MMP16: variants seen among roughly 807,000 people sequenced by gnomAD.
MMP16 encodes the protein matrix metallopeptidase 16.
In MMP16, 12 loss-of-function variants were observed where a neutral mutation model predicts 67.8. The observed-to-expected ratio is 0.18, with a 90% CI of 0.11 to 0.29. The LOEUF is 0.29. Ranked by LOEUF, MMP16 falls within the 10% of genes least tolerant of loss-of-function variation. The probability of loss-of-function intolerance (pLI) is 1.00; values close to 1 mark genes in which losing one functional copy is unlikely to be tolerated. For synonymous variants in MMP16, 249 were observed against 255.9 expected (o/e 0.97, Z 0.26); for missense variants, 475 against 765.7 (o/e 0.62, Z 4.48).
At chr8:88,243,088 G>A (rs1207096239) in intron 1 of MMP16, among the ~76,000 whole-genome samples, 1 of 152,160 alleles carries the variant, frequency 6.6e-6, no homozygotes, top group African/African-American at 2.4e-5. Context: ...ATGTTCTCAA[G>A]AATGGGAGTT....
intron 8 of MMP16, among the ~76,000 whole-genome samples, chr8:88,050,786 G>A (rs1425693646): frequency 6.6e-6 from 1 of 152,088 alleles, no homozygotes; most frequent in Admixed American, 6.6e-5. Flanking sequence ...TTCATTGTTT[G>A]GGTATAGCTT....
At chr8:88,283,576 T>C (rs894052830) in intron 1 of MMP16, among the ~76,000 whole-genome samples, 4 of 152,160 alleles carry the variant, frequency 2.6e-5, no homozygotes, top group African/African-American at 9.7e-5. Flanking sequence ...CCCCACTCTC[T>C]CTATTTATGG....
chr8:88,061,507 T>C (rs559111272), intron 7 of MMP16, among the ~76,000 whole-genome samples: 1 of 152,160 alleles, frequency 6.6e-6, no homozygotes, highest in Admixed American at 6.6e-5. Context: ...TTTTGATCAC[T>C]TCCTTTTGCA....
intron 1 of MMP16, among the ~76,000 whole-genome samples, chr8:88,246,006 A>T (rs972987643): frequency 6.6e-6 from 1 of 152,172 alleles, no homozygotes; most frequent in African/African-American, 2.4e-5. Flanking sequence ...CAAGCAAGAA[A>T]TTCTCTGTTA....
intron 2 of MMP16, among the ~76,000 whole-genome samples, chr8:88,192,397 C>T (rs1362199602): frequency 6.6e-6 from 1 of 152,178 alleles, no homozygotes; most frequent in Non-Finnish European, 1.5e-5. Context: ...CCACTATGAT[C>T]TTCAGTGTGA....
intron 4 of MMP16, among the ~76,000 whole-genome samples, chr8:88,166,207 AG>A (rs1451697674): frequency 6.6e-6 from 1 of 152,070 alleles, no homozygotes; most frequent in Non-Finnish European, 1.5e-5. Flanking sequence ...TGTCATGACT[AG>A]GGTTAACTTA....
At chr8:88,264,007 T>TGC (rs1284625799) in intron 1 of MMP16, among the ~76,000 whole-genome samples, 1 of 146,606 alleles carries the variant, frequency 6.8e-6, no homozygotes, top group African/African-American at 2.5e-5. Context: ...TGTGTGTGTG[T>TGC]GTGCAACTTC....
intron 1 of MMP16, among the ~76,000 whole-genome samples, chr8:88,284,463 G>C (rs544947478): frequency 6.6e-6 from 1 of 152,028 alleles, no homozygotes; most frequent in African/African-American, 2.4e-5. Context: ...AGAGAAGTTA[G>C]ATAACTTGTC....
At chr8:88,251,780 C>T (rs1810227014) in intron 1 of MMP16, among the ~76,000 whole-genome samples, 1 of 126,200 alleles carries the variant, frequency 7.9e-6, no homozygotes, top group Non-Finnish European at 1.6e-5. Context: ...CTACAATGAA[C>T]TCAAACAAAT....
chr8:88,154,612 C>T (rs889924620), intron 4 of MMP16, among the ~76,000 whole-genome samples: 1 of 150,684 alleles, frequency 6.6e-6, no homozygotes, highest in East Asian at 2.0e-4. Context: ...TTAACTATCG[C>T]AAGAACAAAA....
intron 4 of MMP16, among the ~76,000 whole-genome samples, chr8:88,125,882 G>C (rs1807922567): frequency 6.6e-6 from 1 of 151,792 alleles, no homozygotes; most frequent in Admixed American, 6.6e-5. Flanking sequence ...TGATTCTGGA[G>C]GCCTACTTGC....
chr8:88,322,191 C>A (rs1811470128), intron 1 of MMP16, among the ~76,000 whole-genome samples: 1 of 152,024 alleles, frequency 6.6e-6, no homozygotes. Context: ...ATTATAAAGG[C>A]CTATTTATTT....
At chr8:88,298,298 T>A (rs538241315) in intron 1 of MMP16, among the ~76,000 whole-genome samples, 1 of 152,212 alleles carries the variant, frequency 6.6e-6, no homozygotes, top group Non-Finnish European at 1.5e-5. Context: ...GGCACATCCA[T>A]GTGACTATCA....
chr8:88,239,671 T>C (rs1810004341), intron 1 of MMP16, among the ~76,000 whole-genome samples: 1 of 152,194 alleles, frequency 6.6e-6, no homozygotes, highest in South Asian at 2.1e-4. Context: ...CTTATGTTTT[T>C]TAAATATAGT....
chr8:88,058,269 G>A lies in MMP16; in HGVS notation c.1223-1991C>T, dbSNP rs1808356112. ...TTAAGTTTGTGTTGGGTTGTGATTG[G>A]TTTTATATTTTAAAATGATTTTTGG... On this transcript the variant is annotated intron_variant, in intron 7 of 9. Coordinates refer to ENST00000286614, the MANE Select transcript of MMP16 (RefSeq NM_005941.5). The surrounding 1 kb of genome is among the most constrained non-coding windows in gnomAD (Gnocchi z 4.2). 6.6e-6 allele frequency among the ~76,000 whole-genome samples: 1 copy of A among 152,106 alleles called. No homozygotes were observed. The highest frequency in any genetic ancestry group is 1.5e-5 in the Non-Finnish European group (1 of 67,994).
chr8:88,070,439 G>A (rs751460189), intron 7 of MMP16, among the ~76,000 whole-genome samples: 6 of 152,096 alleles, frequency 3.9e-5, no homozygotes, highest in African/African-American at 9.7e-5. Context: ...ATGGCCCTCC[G>A]TGAGTGTCAG....
chr8:88,304,422 A>G (rs148204683), intron 1 of MMP16, among the ~76,000 whole-genome samples: 41 of 152,326 alleles, frequency 2.7e-4, no homozygotes, highest in African/African-American at 9.4e-4. Context: ...ACAGGCCAAC[A>G]TTCAAATTCA....
intron 1 of MMP16, among the ~76,000 whole-genome samples, chr8:88,239,421 T>C (rs1381671106): frequency 1.3e-5 from 2 of 152,108 alleles, no homozygotes; most frequent in South Asian, 4.1e-4. Flanking sequence ...ATATGAATCA[T>C]GTTTACCTTA....
intron 1 of MMP16, among the ~76,000 whole-genome samples, chr8:88,318,549 G>C (rs1034032269): frequency 6.6e-5 from 10 of 152,152 alleles, no homozygotes; most frequent in African/African-American, 2.4e-4. Context: ...GAACCTGGAA[G>C]TTAATTCTCA....
Sources: allele counts gnomAD v4.1 joint callset (sites outside exome capture counted in the v4.1 genomes callset), GRCh38; gene constraint gnomAD v4.1.1; non-coding constraint Gnocchi (gnomAD v3.1); transcripts MANE v1.5; gene names NCBI Gene and HGNC (gene_info 2026-07-23, HGNC 2026-07-21).